MAP7: variants seen among roughly 807,000 people sequenced by gnomAD.
MAP7 encodes the protein ensconsin.
A neutral mutation model predicts 94.8 loss-of-function variants in MAP7; 52 were observed. That is an observed-to-expected ratio of 0.55 (90% CI 0.44 to 0.69). MAP7 has a LOEUF of 0.69. Ranked by LOEUF, MAP7 falls within the 30% of genes least tolerant of loss-of-function variation. The pLI is 0.00. For missense variants in MAP7, 940 were observed against 964.6 expected, an observed-to-expected ratio of 0.97 and a Z score of 0.34; for synonymous variants, 350 against 357.0, an observed-to-expected ratio of 0.98 and a Z score of 0.22.
intron 11 of MAP7, 152 bp downstream of exon 11, chr6:136,362,298 T>G: frequency 1.0e-6 from 1 of 969,572 alleles, no homozygotes. Flanking sequence ...AACAAACTGC[T>G]TAGTAGTCAT....
chr6:136,438,440 A>G (rs1245375061), intron 1 of MAP7, among the ~76,000 whole-genome samples: 2 of 152,172 alleles, frequency 1.3e-5, no homozygotes, highest in African/African-American at 2.4e-5. Context: ...GATTAGACAA[A>G]CTCACTTGCT....
intron 1 of MAP7, among the ~76,000 whole-genome samples, chr6:136,486,752 C>T (rs750600670): frequency 3.9e-5 from 6 of 152,080 alleles, no homozygotes; most frequent in Non-Finnish European, 8.8e-5. Flanking sequence ...CATTTTGGTG[C>T]GGATCTGATT....
At chr6:136,484,015 T>G (rs953634877) in intron 1 of MAP7, among the ~76,000 whole-genome samples, 1 of 152,186 alleles carries the variant, frequency 6.6e-6, no homozygotes, top group African/African-American at 2.4e-5. Flanking sequence ...GGTGATAGAA[T>G]CTCTCTTATC....
At chr6:136,372,299 G>A (rs1345397502) in intron 8 of MAP7, among the ~76,000 whole-genome samples, 1 of 152,178 alleles carries the variant, frequency 6.6e-6, no homozygotes, top group Non-Finnish European at 1.5e-5. Context: ...AATGTTTAGG[G>A]AGAGCAAAAT....
chr6:136,404,725 G>T (rs866435688), intron 3 of MAP7, among the ~76,000 whole-genome samples: 7 of 152,052 alleles, frequency 4.6e-5, no homozygotes, highest in African/African-American at 9.7e-5. Flanking sequence ...ATGTTCCAAG[G>T]CACTTAAACA....
chr6:136,377,679 T>G, intron 7 of MAP7, 76 bp downstream of exon 7: 66 of 1,103,402 alleles, frequency 6.0e-5, no homozygotes, highest in Non-Finnish European at 8.4e-5. Flanking sequence ...TAGGAAAAAG[T>G]GAGATGTGAT....
chr6:136,461,894 T>G (rs1433835474), intron 1 of MAP7, among the ~76,000 whole-genome samples: 2 of 152,194 alleles, frequency 1.3e-5, no homozygotes, highest in Non-Finnish European at 2.9e-5. Flanking sequence ...TGCTAAGTAG[T>G]CATATGCTAT....
chr6:136,407,788 C>T (rs142700170), intron 3 of MAP7, among the ~76,000 whole-genome samples: 77 of 152,238 alleles, frequency 5.1e-4, no homozygotes, highest in African/African-American at 1.8e-3. Flanking sequence ...ATGTTTTATT[C>T]TGCAAAAGAT....
intron 3 of MAP7, among the ~76,000 whole-genome samples, chr6:136,411,150 G>A (rs1018485182): frequency 7.9e-5 from 12 of 152,168 alleles, no homozygotes; most frequent in Non-Finnish European, 1.5e-4. Flanking sequence ...AGTTGCTAAC[G>A]TCACAAGGGC....
chr6:136,379,446 GTTACAA>G (rs1422154135), intron 6 of MAP7, among the ~76,000 whole-genome samples: 4 of 152,126 alleles, frequency 2.6e-5, no homozygotes, highest in Non-Finnish European at 2.9e-5. Context: ...TACTGCAATA[GTTACAA>G]TTAGAAAGCA....
chr6:136,392,039 C>T lies in MAP7; in HGVS notation c.245-2522G>A, dbSNP rs544643095. Among the ~76,000 whole-genome samples the T allele has an allele frequency of 8.5e-5, 13 of 152,282 alleles. No individual in the cohort carries two copies. In the South Asian group the frequency reaches 2.1e-3, roughly 24 times the overall value. On this transcript the variant is annotated intron_variant, in intron 3 of 17. Coordinates refer to ENST00000354570, the MANE Select transcript of MAP7 (RefSeq NM_003980.6). ...TATTCCACCTCCAACTTTTTGACAACGTACACCATGCACCTTGTACCAAAG... is the reference window on the plus strand; with the variant it reads ...TATTCCACCTCCAACTTTTTGACAATGTACACCATGCACCTTGTACCAAAG...
At chr6:136,376,795 T>C (rs1218797402) in intron 7 of MAP7, among the ~76,000 whole-genome samples, 1 of 152,238 alleles carries the variant, frequency 6.6e-6, no homozygotes, top group East Asian at 1.9e-4. Context: ...CTATGAGATT[T>C]AGGACTGAGA....
chr6:136,389,324 C>T lies in MAP7; in HGVS notation c.408+30G>A, dbSNP rs746333959. 2.7e-5 allele frequency: 41 copies of T among 1,507,248 alleles called. No individual in the cohort carries two copies. In the South Asian group the frequency reaches 5.5e-4, roughly 20 times the overall value. 93.4% of individuals were successfully genotyped at this position (1,507,248 alleles called of 1,614,324 possible). On this transcript the variant is annotated intron_variant, in intron 4 of 17. Coordinates refer to ENST00000354570, the MANE Select transcript of MAP7 (RefSeq NM_003980.6). ...TGCTGCATGTCTGAACTAGAGGAGCCACTCATATTCTTCCCGGGGGGCGGC... is the reference window on the plus strand; with the variant it reads ...TGCTGCATGTCTGAACTAGAGGAGCTACTCATATTCTTCCCGGGGGGCGGC...
intron 1 of MAP7, among the ~76,000 whole-genome samples, chr6:136,445,082 T>C (rs748595427): frequency 2.0e-5 from 3 of 152,200 alleles, no homozygotes; most frequent in Non-Finnish European, 4.4e-5. Flanking sequence ...AATGAAGGCG[T>C]TAAGGACGAT....
At chr6:136,514,827 A>C (rs1226225504) in intron 1 of MAP7, among the ~76,000 whole-genome samples, 1 of 152,180 alleles carries the variant, frequency 6.6e-6, no homozygotes, top group Non-Finnish European at 1.5e-5. Context: ...ATAATTCTTA[A>C]GGGCCTTAGA....
chr6:136,362,492 T>C lies in MAP7; in HGVS notation c.1484A>G (p.Glu495Gly). ...CTCCCTCCTCTCCCTTTCTTCCTTTTCTCTCTGCTCTCGGGCCAGCCGCCT... is the reference window on the plus strand; with the variant it reads ...CTCCCTCCTCTCCCTTTCTTCCTTTCCTCTCTGCTCTCGGGCCAGCCGCCT... The part of the protein sequence containing the change: ...EKRRLAREQR[E>G]KEERERREQE... The change falls in exon 11 of 18, where the codon GAA becomes GGA. Residue 495 changes from glutamate to glycine, a missense_variant. Glu to Gly is a moderately conservative substitution (Grantham distance 98). Transcript: ENST00000354570. 6.2e-7 allele frequency: 1 copy of C among 1,614,164 alleles called. No individual in the cohort carries two copies. Among genetic ancestry groups the C allele is most frequent in the Non-Finnish European group, 8.5e-7 (1 of 1,180,028 alleles).
rs551487894 is a variant in MAP7, at chr6:136,440,085, C to T, written c.68-18286G>A. Among the ~76,000 whole-genome samples the T allele has an allele frequency of 4.6e-5, 7 of 152,298 alleles. No individual in the cohort carries two copies. The East Asian group carries it at 7.7e-4, about 17-fold the overall frequency. On this transcript the variant is annotated intron_variant, in intron 1 of 17. Coordinates refer to ENST00000354570, the MANE Select transcript of MAP7 (RefSeq NM_003980.6). Reference sequence around the variant, plus strand: ...AGGCCAAAGCACCATAGCTGTGCTGCTGGGTGAGTTCACCCACAACAGAAT... The same window carrying T: ...AGGCCAAAGCACCATAGCTGTGCTGTTGGGTGAGTTCACCCACAACAGAAT...
chr6:136,399,930 C>G (rs1482899043), intron 3 of MAP7, among the ~76,000 whole-genome samples: 1 of 151,960 alleles, frequency 6.6e-6, no homozygotes, highest in Non-Finnish European at 1.5e-5. Flanking sequence ...GTGGGAAATA[C>G]TAATTAGTTT....
chr6:136,546,197 G>A (rs1829727677), intron 1 of MAP7, among the ~76,000 whole-genome samples: 1 of 152,010 alleles, frequency 6.6e-6, no homozygotes, highest in African/African-American at 2.4e-5. Context: ...ATTTTTAGTA[G>A]AGATGGGGTT....
Sources: gnomAD v4.1 joint callset for allele counts (sites outside exome capture counted in the v4.1 genomes callset) on GRCh38, gnomAD v4.1.1 for gene constraint, MANE v1.5 for transcripts, NCBI Gene and HGNC (gene_info 2026-07-23, HGNC 2026-07-21) for gene names.